DLG2: variants seen among roughly 807,000 people sequenced by gnomAD.
The protein encoded by DLG2 is disks large homolog 2.
In DLG2, 45 loss-of-function variants were observed where a neutral mutation model predicts 132.5. The observed-to-expected ratio is 0.34, with a 90% CI of 0.27 to 0.44. The LOEUF is 0.44. Ranked by LOEUF, DLG2 falls within the 20% of genes least tolerant of loss-of-function variation. DLG2 has a pLI of 1.00. For missense variants in DLG2, 1,045 were observed against 1,196.9 expected (o/e 0.87, Z 1.87); for synonymous variants, 424 against 419.6 (o/e 1.01, Z -0.13).
chr11:84,876,045 C>A (rs2086295897), intron 6 of DLG2, among the ~76,000 whole-genome samples: 1 of 151,906 alleles, frequency 6.6e-6, no homozygotes, highest in African/African-American at 2.4e-5. Flanking sequence ...GCCTTTCTTC[C>A]CCTTTTCACT....
At chr11:84,059,622 G>T in intron 10 of DLG2, 138 bp from the exon 11 acceptor site, 1 of 717,954 alleles carries the variant, frequency 1.4e-6, no homozygotes, top group Non-Finnish European at 2.1e-6. Context: ...TTGGAAGGAT[G>T]CTTCAAATGA....
chr11:83,486,351 C>CA (rs61265208), intron 21 of DLG2: 148,550 of 443,588 alleles, frequency 0.33, 10,525 homozygotes, highest in Middle Eastern at 0.38. Context: ...ACTTGTCATG[C>CA]AAAAAAAAAA....
At chr11:84,104,489 T>G (rs116418436) in intron 9 of DLG2, among the ~76,000 whole-genome samples, 1,804 of 152,186 alleles carry the variant, frequency 0.012, 26 homozygotes, top group African/African-American at 0.034. Context: ...ACTTGTTAGG[T>G]GATAGGTTCA....
intron 14 of DLG2, 49 bp from the exon 15 acceptor site, chr11:83,930,532 G>A (rs367788827): frequency 9.6e-5 from 149 of 1,554,178 alleles, no homozygotes; most frequent in Admixed American, 7.1e-5. Flanking sequence ...GTACATACAA[G>A]GAACACCTGT....
intron 7 of DLG2, among the ~76,000 whole-genome samples, chr11:84,328,890 G>C (rs1012505435): frequency 3.9e-5 from 6 of 152,110 alleles, no homozygotes; most frequent in African/African-American, 1.4e-4. Context: ...ATATCATTTT[G>C]CTTTTGTATT....
chr11:84,338,396 T>C (rs2154404479), intron 7 of DLG2, among the ~76,000 whole-genome samples: 1 of 152,358 alleles, frequency 6.6e-6, no homozygotes, highest in East Asian at 1.9e-4. Flanking sequence ...TAACTTATTT[T>C]TTTTTCTGGG....
At chr11:83,746,822 A>C (rs1179207490) in intron 18 of DLG2, among the ~76,000 whole-genome samples, 1 of 152,214 alleles carries the variant, frequency 6.6e-6, no homozygotes, top group East Asian at 1.9e-4. Flanking sequence ...GTGACATATT[A>C]CTAAGGTCCA....
chr11:83,540,702 A>C (rs2141448205), intron 20 of DLG2, among the ~76,000 whole-genome samples: 1 of 152,310 alleles, frequency 6.6e-6, no homozygotes, highest in Non-Finnish European at 1.5e-5. Flanking sequence ...GTGTAGTAGC[A>C]CTTGAATGCC....
rs367909420 is a variant in DLG2, at chr11:84,873,801, G to A, written c.357+237860C>T. ...CCATCTTTCCTGAAAATAATAACTTGAATCTTAACAATCTATTGATAAGCC... is the reference window on the plus strand; with the variant it reads ...CCATCTTTCCTGAAAATAATAACTTAAATCTTAACAATCTATTGATAAGCC... On this transcript the variant is annotated intron_variant, in intron 6 of 27. Coordinates refer to ENST00000376104, the MANE Select transcript of DLG2 (RefSeq NM_001142699.3). Among the ~76,000 whole-genome samples the A allele has an allele frequency of 5.9e-5, 9 of 152,136 alleles. No homozygotes were observed. In the East Asian group the frequency reaches 9.6e-4, roughly 16 times the overall value.
At chr11:84,304,821 T>C (rs1599493670) in intron 7 of DLG2, among the ~76,000 whole-genome samples, 1 of 152,250 alleles carries the variant, frequency 6.6e-6, no homozygotes, top group Admixed American at 6.5e-5. Context: ...TGTAGTTTGG[T>C]GACTCCTGGA....
intron 6 of DLG2, among the ~76,000 whole-genome samples, chr11:84,967,310 G>A (rs764964621): frequency 6.6e-6 from 1 of 152,094 alleles, no homozygotes; most frequent in African/African-American, 2.4e-5. Flanking sequence ...CTGGTTGCCA[G>A]TGAAAAATTA....
intron 19 of DLG2, among the ~76,000 whole-genome samples, chr11:83,607,483 C>G (rs2059518259): frequency 6.6e-6 from 1 of 152,148 alleles, no homozygotes; most frequent in African/African-American, 2.4e-5. Flanking sequence ...TAACAGGACT[C>G]CTCCCGTCCA....
At chr11:85,492,726 T>C (rs2093589961) in intron 3 of DLG2, among the ~76,000 whole-genome samples, 1 of 145,624 alleles carries the variant, frequency 6.9e-6, no homozygotes, top group African/African-American at 2.8e-5. Context: ...AAAATATAGG[T>C]TACATGGCAC....
At chr11:84,337,868 T>G (rs1408810750) in intron 7 of DLG2, among the ~76,000 whole-genome samples, 1 of 152,156 alleles carries the variant, frequency 6.6e-6, no homozygotes. Context: ...AAACAGTGCT[T>G]TACAAAATAT....
At chr11:84,810,254 A>G (rs908639928) in intron 6 of DLG2, among the ~76,000 whole-genome samples, 2 of 152,114 alleles carry the variant, frequency 1.3e-5, no homozygotes, top group African/African-American at 2.4e-5. Context: ...AGAACTGTCA[A>G]AACTCAACAA....
At chr11:83,711,505 ACC>A (rs1428714738) in intron 18 of DLG2, among the ~76,000 whole-genome samples, 1 of 150,992 alleles carries the variant, frequency 6.6e-6, no homozygotes. Context: ...CCCTGTGGGA[ACC>A]CTGCAAGTTT....
At chr11:85,519,993 C>G (rs547832403) in intron 3 of DLG2, among the ~76,000 whole-genome samples, 1 of 152,156 alleles carries the variant, frequency 6.6e-6, no homozygotes, top group African/African-American at 2.4e-5. Context: ...TGCCCAGTCT[C>G]AGGTATGTCT....
At chr11:84,306,793 T>C (rs1318220439) in intron 7 of DLG2, among the ~76,000 whole-genome samples, 1 of 152,164 alleles carries the variant, frequency 6.6e-6, no homozygotes, top group Non-Finnish European at 1.5e-5. Flanking sequence ...TCTGCTCTTC[T>C]GAAGTGCTTT....
chr11:84,566,116 G>A (rs754698175), intron 6 of DLG2, among the ~76,000 whole-genome samples: 8 of 151,570 alleles, frequency 5.3e-5, no homozygotes, highest in Non-Finnish European at 8.8e-5. Flanking sequence ...ACTCAACCAC[G>A]CCCAGCTAAT....
Sources: gnomAD v4.1 joint callset for allele counts (sites outside exome capture counted in the v4.1 genomes callset) on GRCh38, gnomAD v4.1.1 for gene constraint, MANE v1.5 for transcripts, NCBI Gene and HGNC (gene_info 2026-07-23, HGNC 2026-07-21) for gene names.